The following PARN variants were observed in gnomAD, a reference collection of about 807,000 sequenced individuals.
PARN encodes the protein poly(A)-specific ribonuclease PARN.
In PARN, 71 loss-of-function variants were observed where a neutral mutation model predicts 102.8. That is an observed-to-expected ratio of 0.69 (90% CI 0.57 to 0.84). The LOEUF is 0.84. Among genes scored for constraint, PARN ranks in the 40% least tolerant of loss-of-function variants. The pLI is 0.00. For synonymous variants in PARN, 261 were observed against 252.9 expected, an observed-to-expected ratio of 1.03 and a Z score of -0.30; for missense variants, 782 against 760.9, an observed-to-expected ratio of 1.03 and a Z score of -0.33.
At chr16:14,508,640 T>G (rs1053191490) in intron 21 of PARN, among the ~76,000 whole-genome samples, 7 of 151,248 alleles carry the variant, frequency 4.6e-5, no homozygotes, top group Non-Finnish European at 1.0e-4. Flanking sequence ...AATATAGAAA[T>G]CCCTATAATT....
chr16:14,560,599 T>C (rs953699821), intron 18 of PARN, among the ~76,000 whole-genome samples: 19 of 152,256 alleles, frequency 1.2e-4, no homozygotes, highest in Admixed American at 1.0e-3. Flanking sequence ...GTGGAATCTG[T>C]CATTTTTTAA....
chr16:14,598,240 G>A (rs544553210), intron 12 of PARN, among the ~76,000 whole-genome samples: 19 of 152,052 alleles, frequency 1.2e-4, no homozygotes, highest in Admixed American at 2.6e-4. Context: ...TTAAATGTCC[G>A]GATCGCTAAT....
At chr16:14,464,523 A>C (rs1247988470) in intron 22 of PARN, among the ~76,000 whole-genome samples, 1 of 152,146 alleles carries the variant, frequency 6.6e-6, no homozygotes, top group Non-Finnish European at 1.5e-5. Flanking sequence ...TGGGAGGCTG[A>C]AGCAGGCAGA....
chr16:14,547,471 C>T (rs1419225546), intron 21 of PARN, among the ~76,000 whole-genome samples: 1 of 152,020 alleles, frequency 6.6e-6, no homozygotes, highest in Non-Finnish European at 1.5e-5. Flanking sequence ...TTTGGGAACC[C>T]AAGGAGAGAG....
chr16:14,528,159 A>T (rs1371067070), intron 21 of PARN, among the ~76,000 whole-genome samples: 2 of 152,182 alleles, frequency 1.3e-5, no homozygotes, highest in Non-Finnish European at 2.9e-5. Context: ...AATGAGTACA[A>T]CTTCACCTTA....
At chr16:14,604,503 C>G (rs969670421) in intron 10 of PARN, among the ~76,000 whole-genome samples, 1 of 151,516 alleles carries the variant, frequency 6.6e-6, no homozygotes, top group Non-Finnish European at 1.5e-5. Flanking sequence ...TCAGGTGATC[C>G]ACCCGCCTCA....
intron 21 of PARN, among the ~76,000 whole-genome samples, chr16:14,499,535 T>TA (rs1964480083): frequency 1.3e-5 from 2 of 152,232 alleles, no homozygotes; most frequent in African/African-American, 4.8e-5. Context: ...ATACGATTTT[T>TA]AAAAAAGTGA....
intron 21 of PARN, among the ~76,000 whole-genome samples, chr16:14,515,054 TC>T (rs1263613023): frequency 6.6e-6 from 1 of 152,218 alleles, no homozygotes; most frequent in Non-Finnish European, 1.5e-5. Context: ...TCCTTATTGT[TC>T]CCTCAACCAA....
intron 18 of PARN, among the ~76,000 whole-genome samples, chr16:14,556,340 A>G (rs1360546058): frequency 1.3e-5 from 2 of 151,378 alleles, no homozygotes; most frequent in African/African-American, 2.4e-5. Context: ...TTGTATTTTT[A>G]GTACAGATGG....
At chr16:14,584,659 C>T in intron 15 of PARN, 90 bp downstream of exon 15, 2 of 958,960 alleles carry the variant, frequency 2.1e-6, no homozygotes, top group South Asian at 1.4e-5. Flanking sequence ...TTAAATACCT[C>T]CAAACCTTTT....
At chr16:14,603,921 G>C (rs919599740) in intron 11 of PARN, among the ~76,000 whole-genome samples, 9 of 152,226 alleles carry the variant, frequency 5.9e-5, no homozygotes, top group Admixed American at 2.6e-4. Context: ...ACTGGTTTAA[G>C]TAGACACTGG....
chr16:14,533,542 G>A (rs1311401479), intron 21 of PARN, among the ~76,000 whole-genome samples: 3 of 151,754 alleles, frequency 2.0e-5, no homozygotes, highest in Non-Finnish European at 4.4e-5. Flanking sequence ...ATGTTTCCAC[G>A]TTCTAGCTCC....
At chr16:14,549,363 G>A (rs1967154721) in intron 21 of PARN, among the ~76,000 whole-genome samples, 1 of 152,150 alleles carries the variant, frequency 6.6e-6, no homozygotes, top group South Asian at 2.1e-4. Context: ...TCATGCTGCA[G>A]TGTGTGTCAG....
chr16:14,546,417 T>C (rs1415787107), intron 21 of PARN, among the ~76,000 whole-genome samples: 1 of 152,238 alleles, frequency 6.6e-6, no homozygotes, highest in East Asian at 1.9e-4. Flanking sequence ...CATACAACTA[T>C]CTGAATTTGG....
At chr16:14,479,919 C>T (rs1001417557) in intron 22 of PARN, among the ~76,000 whole-genome samples, 10 of 139,582 alleles carry the variant, frequency 7.2e-5, no homozygotes, top group African/African-American at 2.8e-4. Flanking sequence ...AAACCTTCTA[C>T]CAAAAAAAAA....
chr16:14,581,059 CT>C (rs34510444), intron 17 of PARN, 116 bp from the exon 18 acceptor site: 3,594 of 524,916 alleles, frequency 6.8e-3, no homozygotes, highest in South Asian at 0.012. Context: ...GAAAGGTATT[CT>C]TTTTTTTTTG....
chr16:14,439,215 T>C (rs1237813778), intron 23 of PARN, among the ~76,000 whole-genome samples: 1 of 151,592 alleles, frequency 6.6e-6, no homozygotes, highest in Non-Finnish European at 1.5e-5. Flanking sequence ...CTACAAAAAA[T>C]TTACAAATTT....
chr16:14,521,520 C>T (rs150528971), intron 21 of PARN, among the ~76,000 whole-genome samples: 11 of 152,290 alleles, frequency 7.2e-5, no homozygotes, highest in East Asian at 3.9e-4. Context: ...TGTAACGGGC[C>T]GGGCACGGTG....
chr16:14,440,581 T>G (rs1960899256), intron 23 of PARN, among the ~76,000 whole-genome samples: 1 of 152,228 alleles, frequency 6.6e-6, no homozygotes, highest in Non-Finnish European at 1.5e-5. Flanking sequence ...GATTCTTGAT[T>G]GACAAAAACT....
Sources: gnomAD v4.1 joint callset for allele counts (sites outside exome capture counted in the v4.1 genomes callset) on GRCh38, gnomAD v4.1.1 for gene constraint, MANE v1.5 for transcripts, NCBI Gene and HGNC (gene_info 2026-07-23, HGNC 2026-07-21) for gene names.